Variants in TRIM71 observed in about 807,000 individuals in gnomAD.
TRIM71 encodes the protein tripartite motif containing 71.
TRIM71 carries 9 observed loss-of-function variants against 61.2 expected under a neutral mutation model. That is an observed-to-expected ratio of 0.15 (90% CI 0.09 to 0.26). The LOEUF (loss-of-function observed/expected upper bound fraction) is 0.26. TRIM71 is among the 10% of genes least tolerant of loss of function. TRIM71 has a pLI of 1.00. For missense variants in TRIM71, 998 were observed against 1,238.7 expected (o/e 0.81, Z 2.92); for synonymous variants, 645 against 553.2 (o/e 1.17, Z -2.33).
At chr3:32,857,037 A>G (rs1696613728) in intron 1 of TRIM71, among the ~76,000 whole-genome samples, 1 of 152,098 alleles carries the variant, frequency 6.6e-6, no homozygotes, top group Admixed American at 6.5e-5. Context: ...TGACTCCACA[A>G]CACAAGTTGG....
At chr3:32,840,831 G>A (rs1284661921) in intron 1 of TRIM71, among the ~76,000 whole-genome samples, 2 of 152,214 alleles carry the variant, frequency 1.3e-5, no homozygotes, top group Non-Finnish European at 2.9e-5. Context: ...GGCTCAGCTG[G>A]GGGTGCAAGG....
chr3:32,856,871 G>A (rs1264660889), intron 1 of TRIM71, among the ~76,000 whole-genome samples: 6 of 152,204 alleles, frequency 3.9e-5, no homozygotes, highest in South Asian at 4.2e-4. Flanking sequence ...GAACTGCCAC[G>A]GACATTTTTG....
At chr3:32,876,046 T>C (rs1696849310) in intron 2 of TRIM71, among the ~76,000 whole-genome samples, 1 of 152,244 alleles carries the variant, frequency 6.6e-6, no homozygotes, top group South Asian at 2.1e-4. Context: ...GTTATTGTTA[T>C]GCCAGTATTG....
chr3:32,818,805 C>A lies in TRIM71; in HGVS notation c.725C>A (p.Pro242Gln). The A allele has an allele frequency of 1.2e-6, 2 of 1,608,664 alleles. No individual in the cohort carries two copies. The highest frequency in any genetic ancestry group is 1.3e-5 in the African/African-American group (1 of 74,954). Residue 242 changes from proline (P) to glutamine (Q), a missense_variant, in exon 1 of 4, where the codon CCG (proline) becomes CAG (glutamine). Physicochemically the swap from Pro to Gln is moderately conservative, Grantham distance 76 (BLOSUM62 -1). This residue lies in a region of TRIM71 where 527 missense variants were observed against 427.8 expected (regional missense o/e 1.23). Coordinates refer to ENST00000383763, the MANE Select transcript of TRIM71 (RefSeq NM_001039111.3). ...LTKDHYIERG[P>Q]PGPGAAAAAQ... ...AAGGACCACTACATCGAGCGCGGCC[C>A]GCCGGGTCCCGGTGCCGCAGCAGCG... is the stretch of plus-strand genomic sequence containing the variant.
At chr3:32,866,921 GT>G (rs1575353944) in intron 1 of TRIM71, among the ~76,000 whole-genome samples, 1 of 152,092 alleles carries the variant, frequency 6.6e-6, no homozygotes, top group African/African-American at 2.4e-5. Flanking sequence ...GCATGGTGTG[GT>G]TTTTGGAGTC....
chr3:32,888,434 C>CAAAAAAAAAAAA (rs56834147), intron 3 of TRIM71, among the ~76,000 whole-genome samples: 2 of 95,842 alleles, frequency 2.1e-5, no homozygotes, highest in African/African-American at 8.9e-5. Flanking sequence ...CCATCTCTAC[C>CAAAAAAAAAAAA]AAAAAAAAAA....
At chr3:32,851,623 TGCC>T (rs2125682178) in intron 1 of TRIM71, among the ~76,000 whole-genome samples, 1 of 152,136 alleles carries the variant, frequency 6.6e-6, no homozygotes, top group East Asian at 1.9e-4. Flanking sequence ...GGATTACAAG[TGCC>T]CGCCACTACG....
At chr3:32,869,052 T>G (rs955721874) in intron 1 of TRIM71, among the ~76,000 whole-genome samples, 1 of 152,236 alleles carries the variant, frequency 6.6e-6, no homozygotes, top group African/African-American at 2.4e-5. Flanking sequence ...TGGCTAGATT[T>G]TACCTCCTTG....
intron 2 of TRIM71, among the ~76,000 whole-genome samples, chr3:32,877,552 G>A (rs1028016434): frequency 6.6e-6 from 1 of 151,896 alleles, no homozygotes; most frequent in African/African-American, 2.4e-5. Context: ...GATGGGGCTC[G>A]CTTTGTTGTC....
intron 3 of TRIM71, among the ~76,000 whole-genome samples, chr3:32,886,670 C>G (rs927162201): frequency 1.3e-5 from 2 of 152,200 alleles, no homozygotes; most frequent in Non-Finnish European, 2.9e-5. Context: ...TACTCCATGC[C>G]AATTCTTTAA....
intron 1 of TRIM71, among the ~76,000 whole-genome samples, chr3:32,841,023 G>A (rs1696398013): frequency 6.6e-6 from 1 of 152,096 alleles, no homozygotes; most frequent in Admixed American, 6.5e-5. Context: ...GAGGTGGGTG[G>A]ACCATGAGGT....
At chr3:32,836,876 A>G (rs934553597) in intron 1 of TRIM71, among the ~76,000 whole-genome samples, 1 of 152,218 alleles carries the variant, frequency 6.6e-6, no homozygotes, top group Non-Finnish European at 1.5e-5. Context: ...GCAGACGTTC[A>G]GTTATTCACA....
rs1367446201 is a variant in TRIM71 at position 32,896,435 on chromosome 3, T to C, written c.*4624T>C. Reference sequence around the variant, plus strand: ...ATTTTTTTCTACCAAAGGTAACATGTTGACGGGTTTTTTTTTTCCTTGTTT... The same window carrying C: ...ATTTTTTTCTACCAAAGGTAACATGCTGACGGGTTTTTTTTTTCCTTGTTT... On this transcript the variant is annotated 3_prime_UTR_variant, in exon 4 of 4. Coordinates refer to ENST00000383763, the MANE Select transcript of TRIM71 (RefSeq NM_001039111.3). The C allele has an allele frequency of 1.3e-5, 2 of 152,204 alleles. No homozygotes were observed. The highest frequency in any genetic ancestry group is 3.2e-3 in the Middle Eastern group (1 of 316). The allele number at this position is 152,204 out of a possible 1,614,324, so 9.4% of individuals were successfully genotyped here.
chr3:32,844,631 A>G (rs1480625373), intron 1 of TRIM71, among the ~76,000 whole-genome samples: 2 of 152,024 alleles, frequency 1.3e-5, no homozygotes, highest in African/African-American at 4.8e-5. Context: ...TAACTTTTCT[A>G]TTTCATTTTA....
intron 3 of TRIM71, among the ~76,000 whole-genome samples, chr3:32,888,314 C>T (rs2125692795): frequency 6.6e-6 from 1 of 151,822 alleles, no homozygotes; most frequent in Non-Finnish European, 1.5e-5. Context: ...TAAAGAGAAA[C>T]TGGCCCAAGC....
intron 1 of TRIM71, among the ~76,000 whole-genome samples, chr3:32,867,135 C>T (rs1266090422): frequency 2.6e-5 from 4 of 152,070 alleles, no homozygotes; most frequent in Non-Finnish European, 5.9e-5. Context: ...CCTCTGACCC[C>T]ACTGCAGATT....
intron 1 of TRIM71, among the ~76,000 whole-genome samples, chr3:32,846,483 TTAGA>T (rs1200426488): frequency 6.6e-6 from 1 of 152,220 alleles, no homozygotes; most frequent in Non-Finnish European, 1.5e-5. Flanking sequence ...GGTAATTAAC[TTAGA>T]TACTTATGTT....
chr3:32,825,881 C>T (rs902671016), intron 1 of TRIM71, among the ~76,000 whole-genome samples: 8 of 152,040 alleles, frequency 5.3e-5, no homozygotes, highest in African/African-American at 1.7e-4. Flanking sequence ...AATTATTCCC[C>T]TCCTTTTGAG....
At chr3:32,888,210 C>T (rs1169300302) in intron 3 of TRIM71, among the ~76,000 whole-genome samples, 1 of 152,066 alleles carries the variant, frequency 6.6e-6, no homozygotes, top group Admixed American at 6.5e-5. Context: ...GGAAATAATA[C>T]AGACATGCCA....
Sources: allele counts gnomAD v4.1 joint callset (sites outside exome capture counted in the v4.1 genomes callset), GRCh38; gene constraint gnomAD v4.1.1; regional missense constraint gnomAD v4.1.1; transcripts MANE v1.5; gene names NCBI Gene and HGNC (gene_info 2026-07-23, HGNC 2026-07-21).